Variants in INTS4 observed in about 807,000 individuals in gnomAD.
INTS4 encodes integrator complex subunit 4.
In INTS4, 70 loss-of-function variants were observed where a neutral mutation model predicts 119.5. The ratio of observed to expected loss-of-function variants is 0.59; its 90% CI spans 0.48 to 0.71. The LOEUF is 0.71. Among genes scored for constraint, INTS4 ranks in the 30% least tolerant of loss-of-function variants. The pLI is 0.00. For synonymous variants in INTS4, 316 were observed against 419.6 expected (o/e 0.75, Z 3.02); for missense variants, 867 against 1,173.2 (o/e 0.74, Z 3.81).
intron 9 of INTS4, among the ~76,000 whole-genome samples, chr11:77,940,690 G>C (rs1953909587): frequency 6.6e-6 from 1 of 152,180 alleles, no homozygotes; most frequent in African/African-American, 2.4e-5. Context: ...AGGCTGGAGT[G>C]CAGTGGTGCG....
At chr11:77,896,652 CAAA>C (rs58549095) in intron 18 of INTS4, among the ~76,000 whole-genome samples, 32 of 70,708 alleles carry the variant, frequency 4.5e-4, no homozygotes, top group African/African-American at 5.4e-4. Flanking sequence ...AACTCCGTCT[CAAA>C]AAAAAAAAAA....
chr11:77,952,178 A>T (rs1954212493), intron 8 of INTS4, among the ~76,000 whole-genome samples: 4 of 152,240 alleles, frequency 2.6e-5, no homozygotes, highest in Admixed American at 2.6e-4. Flanking sequence ...GAGCTGGAGT[A>T]GAGCAGCTTT....
At position 77,878,970 on chromosome 11, in the gene INTS4, C is replaced by T. The variant is rs1470296945; in HGVS notation, c.2871G>A (p.Met957Ile). ...PFSKPVKVYI[M>I]PKPARR The stretch of plus-strand genomic sequence containing the variant: ...TGCCTTAGCGCCGTGCAGGTTTGGG[C>T]ATTATATAAACTTTTACAGGCTTGC... The change falls in exon 23 of 23, where the codon ATG becomes ATA. Residue 957 changes from methionine to isoleucine, a missense_variant. Physicochemically the swap from Met to Ile is conservative, Grantham distance 10. Around this residue, in one of 5 missense-constraint regions of INTS4, gnomAD observed 122 missense variants for 133.2 expected, o/e 0.92. Coordinates refer to ENST00000534064, the MANE Select transcript of INTS4 (RefSeq NM_033547.4). 2.5e-6 allele frequency: 4 copies of T among 1,613,942 alleles called. No individual in the cohort carries two copies. The highest frequency in any genetic ancestry group is 2.5e-6 in the Non-Finnish European group (3 of 1,179,990).
chr11:77,877,138 G>T (rs1379931369), downstream of INTS4: 5 of 661,530 alleles, frequency 7.6e-6, no homozygotes, highest in East Asian at 1.1e-4. Context: ...GAAATAGACT[G>T]CCTGGAAATA....
intron 3 of INTS4, 29 bp downstream of exon 3, chr11:77,981,430 G>C: frequency 8.9e-7 from 1 of 1,123,342 alleles, no homozygotes; most frequent in Non-Finnish European, 1.3e-6. Context: ...TTTCTGCTCT[G>C]ACTATAGAGC....
At position 77,939,138 on chromosome 11, in the gene INTS4, C is replaced by A. The variant is rs1250312161; in HGVS notation, c.991-313G>T. ...GCCAGAGAGGCAAATAATGGCAGTG[C>A]CCCTCCAAAAGCCATCTTGGGTAGA... On this transcript the variant is annotated intron_variant, in intron 9 of 22. Coordinates refer to ENST00000534064, the MANE Select transcript of INTS4 (RefSeq NM_033547.4). Among the ~76,000 whole-genome samples the A allele has an allele frequency of 3.3e-5, 5 of 152,188 alleles. No homozygotes were observed. The East Asian group carries it at 5.8e-4, about 18-fold the overall frequency.
chr11:77,880,332 C>T (rs1951743121), intron 22 of INTS4, among the ~76,000 whole-genome samples: 1 of 152,106 alleles, frequency 6.6e-6, no homozygotes. Context: ...GGATTGCTGT[C>T]CTCCAGGAAG....
At chr11:77,965,389 A>G (rs1046831352) in intron 4 of INTS4, among the ~76,000 whole-genome samples, 2 of 152,144 alleles carry the variant, frequency 1.3e-5, no homozygotes, top group Non-Finnish European at 2.9e-5. Flanking sequence ...ATTGTGGACT[A>G]TAGTCACCTG....
chr11:77,961,033 C>A lies in INTS4; in HGVS notation c.577G>T (p.Ala193Ser). 3 of 1,613,280 alleles carry A rather than the reference C, an allele frequency of 1.9e-6. No homozygotes were observed. The highest frequency in any genetic ancestry group is 2.2e-5 in the South Asian group (2 of 91,036). ...CCTATAATCTTCTGGACATCTCTGG[C>A]AGCTAGGCCTTCTGCATCTTTTGTG... ...SVTKDAEGLA[A>S]RDVQKIIGDY... Residue 193 changes from alanine (A) to serine (S), a missense_variant, in exon 5 of 23, where the codon GCC (alanine) becomes TCC (serine). Ala to Ser is a moderately conservative substitution (Grantham distance 99). Around this residue, in one of 5 missense-constraint regions of INTS4, gnomAD observed 224 missense variants for 231.8 expected, o/e 0.97. Transcript: ENST00000534064.
chr11:77,891,391 C>T lies in INTS4; in HGVS notation c.2520G>A (p.Gly840=). The change falls in exon 21 of 23, where the codon GGG becomes GGA. Residue 840 remains glycine (G), a synonymous_variant. Coordinates refer to ENST00000534064, the MANE Select transcript of INTS4 (RefSeq NM_033547.4). ...ESDNPLRFTS[G]LVVALDVDAT... is the part of the protein sequence containing the mutation. ...CATCAACATCCAGGGCAACCACCAA[C>T]CCAGAGGTAAACCGCAAAGGGTTGT... 3 of 1,612,880 alleles carry T rather than the reference C, an allele frequency of 1.9e-6. No individual in the cohort carries two copies. The highest frequency in any genetic ancestry group is 2.5e-6 in the Non-Finnish European group (3 of 1,179,486).
intron 8 of INTS4, among the ~76,000 whole-genome samples, chr11:77,949,652 C>A (rs1954139360): frequency 6.6e-6 from 1 of 151,960 alleles, no homozygotes; most frequent in Admixed American, 6.6e-5. Flanking sequence ...AAATGCAAAT[C>A]AAAACCACAA....
At chr11:77,943,149 A>G (rs954578233) in intron 8 of INTS4, among the ~76,000 whole-genome samples, 3 of 152,170 alleles carry the variant, frequency 2.0e-5, no homozygotes, top group African/African-American at 7.2e-5. Context: ...TGCTTCATCC[A>G]TAATTCCCAG....
At chr11:77,985,863 G>A (rs551010403) in intron 2 of INTS4, among the ~76,000 whole-genome samples, 1 of 152,254 alleles carries the variant, frequency 6.6e-6, no homozygotes, top group East Asian at 1.9e-4. Flanking sequence ...TAGCACAGTA[G>A]CATAAGTGAA....
chr11:77,968,700 T>C (rs1337533789), intron 4 of INTS4, among the ~76,000 whole-genome samples: 2 of 152,152 alleles, frequency 1.3e-5, no homozygotes, highest in Non-Finnish European at 2.9e-5. Context: ...AAACACTTAA[T>C]TACCATATGA....
intron 15 of INTS4, among the ~76,000 whole-genome samples, chr11:77,917,278 A>G (rs1411502626): frequency 6.6e-6 from 1 of 152,090 alleles, no homozygotes; most frequent in Admixed American, 6.5e-5. Flanking sequence ...AGAGATCTCA[A>G]CTAAGATACA....
chr11:77,882,297 G>A (rs1253999206), intron 22 of INTS4, among the ~76,000 whole-genome samples: 2 of 152,138 alleles, frequency 1.3e-5, no homozygotes, highest in Non-Finnish European at 1.5e-5. Context: ...GATACCTTAA[G>A]AGGAAATGGG....
chr11:77,941,458 C>CTTTT (rs35544689), intron 8 of INTS4, among the ~76,000 whole-genome samples: 1 of 138,454 alleles, frequency 7.2e-6, no homozygotes, highest in African/African-American at 2.7e-5. Context: ...ACCTACTGTG[C>CTTTT]TTTTTTTTTT....
At chr11:77,900,316 C>G (rs190865470) in intron 18 of INTS4, among the ~76,000 whole-genome samples, 211 of 152,132 alleles carry the variant, frequency 1.4e-3, no homozygotes, top group African/African-American at 2.1e-3. Flanking sequence ...AGCCAGGATG[C>G]TCTTGATCTC....
chr11:77,941,144 A>G (rs1953920613), intron 9 of INTS4, 36 bp downstream of exon 9: 1 of 1,606,328 alleles, frequency 6.2e-7, no homozygotes, highest in Non-Finnish European at 8.5e-7. Context: ...CATTGGTTAC[A>G]GAAACCCACT....
Sources: gnomAD v4.1 joint callset for allele counts (sites outside exome capture counted in the v4.1 genomes callset) on GRCh38, gnomAD v4.1.1 for gene constraint, gnomAD v4.1.1 regional missense constraint, MANE v1.5 for transcripts, NCBI Gene and HGNC (gene_info 2026-07-23, HGNC 2026-07-21) for gene names.